The following RYR3 variants were observed in gnomAD, a reference collection of about 807,000 sequenced individuals.
RYR3 encodes the protein ryanodine receptor 3.
A neutral mutation model predicts 584.3 loss-of-function variants in RYR3; 207 were observed. The observed-to-expected ratio is 0.35, with a 90% confidence interval of 0.32 to 0.40. RYR3 has a LOEUF of 0.40. Among genes scored for constraint, RYR3 ranks in the 10% least tolerant of loss-of-function variants. The probability of loss-of-function intolerance (pLI) is 1.00; values close to 1 mark genes in which losing one functional copy is unlikely to be tolerated. For missense variants in RYR3, 5,616 were observed against 6,089.2 expected (o/e 0.92, Z 2.59); for synonymous variants, 2,416 against 2,248.5 (o/e 1.07, Z -2.11).
intron 18 of RYR3, among the ~76,000 whole-genome samples, chr15:33,604,649 G>A (rs2059823587): frequency 6.6e-6 from 1 of 152,230 alleles, no homozygotes; most frequent in South Asian, 2.1e-4. Context: ...ATGGGGTCAT[G>A]TGAAGGGAAA....
intron 64 of RYR3, among the ~76,000 whole-genome samples, chr15:33,779,404 C>T (rs2074241091): frequency 6.6e-6 from 1 of 152,018 alleles, no homozygotes; most frequent in Non-Finnish European, 1.5e-5. Context: ...AAGGAGTAAC[C>T]GTTATCTGAG....
rs935509055 is a variant in RYR3 at position 33,473,631 on chromosome 15, G to A, written c.171+93G>A. On this transcript the variant is annotated intron_variant, in intron 2 of 103. Coordinates refer to ENST00000634891, the MANE Select transcript of RYR3 (RefSeq NM_001036.6). ...ACTGCTGGGAGATGGTGATGAGGAC[G>A]ACATTTGAAAGGACACATTTATTTT... 21 of 1,279,024 alleles carry A rather than the reference G, an allele frequency of 1.6e-5. No individual in the cohort carries two copies. In the African/African-American group the frequency reaches 1.9e-4, roughly 12 times the overall value. The allele number at this position is 1,279,024 out of a possible 1,614,324, so 79.2% of individuals were successfully genotyped here. A position where few individuals can be genotyped will look rare whatever the true frequency, so the allele number is the denominator to read the frequency against.
rs1452176075 is a variant in RYR3, at chr15:33,562,125, C to T, written c.973-712C>T. On this transcript the variant is annotated intron_variant, in intron 10 of 103. Coordinates refer to ENST00000634891, the MANE Select transcript of RYR3 (RefSeq NM_001036.6). ...AAGTTACCATGCATCAGAGGTCTAC[C>T]TCATGACACGCTATTGTGACAGGTA... Among the ~76,000 whole-genome samples, 5 of 152,140 alleles carry T rather than the reference C, an allele frequency of 3.3e-5. No homozygotes were observed. In the East Asian group the frequency reaches 9.6e-4, roughly 29 times the overall value.
intron 67 of RYR3, among the ~76,000 whole-genome samples, chr15:33,798,245 T>C (rs1206619810): frequency 6.6e-6 from 1 of 152,124 alleles, no homozygotes; most frequent in South Asian, 2.1e-4. Context: ...CCCACCACCA[T>C]GCAAAGCTAA....
chr15:33,661,219 T>A (rs190068557), intron 34 of RYR3, among the ~76,000 whole-genome samples: 2,470 of 152,100 alleles, frequency 0.016, 35 homozygotes, highest in Non-Finnish European at 0.025. Flanking sequence ...TGAGACTAAA[T>A]GAAAAATCTA....
intron 3 of RYR3, among the ~76,000 whole-genome samples, chr15:33,520,307 C>T (rs575320723): frequency 2.5e-4 from 38 of 152,266 alleles, no homozygotes; most frequent in African/African-American, 8.9e-4. Context: ...CAAATTTTCA[C>T]GTCAAGGTAA....
chr15:33,715,211 T>C (rs541459738), intron 43 of RYR3, among the ~76,000 whole-genome samples: 28 of 152,342 alleles, frequency 1.8e-4, no homozygotes, highest in African/African-American at 5.3e-4. Flanking sequence ...ATCTGGTTTA[T>C]TTCTGCCCTT....
intron 5 of RYR3, among the ~76,000 whole-genome samples, chr15:33,537,668 T>C (rs191485024): frequency 1.3e-5 from 2 of 152,338 alleles, no homozygotes; most frequent in Admixed American, 1.3e-4. Context: ...GAGCGTCTCT[T>C]GTGCCTTGGT....
At chr15:33,463,000 G>A (rs1030096231) in intron 1 of RYR3, among the ~76,000 whole-genome samples, 1 of 151,700 alleles carries the variant, frequency 6.6e-6, no homozygotes, top group Non-Finnish European at 1.5e-5. Context: ...GCAAAACCCC[G>A]TCTCTACAAA....
intron 38 of RYR3, among the ~76,000 whole-genome samples, chr15:33,678,571 C>T (rs573180855): frequency 5.9e-5 from 9 of 152,296 alleles, no homozygotes; most frequent in Non-Finnish European, 1.0e-4. Flanking sequence ...TGGACTAATA[C>T]ATTATGATAA....
chr15:33,621,075 G>A (rs771084753), intron 19 of RYR3, among the ~76,000 whole-genome samples: 18 of 152,284 alleles, frequency 1.2e-4, no homozygotes, highest in African/African-American at 3.6e-4. Context: ...TAAAAACTAA[G>A]CGTTGTTCTC....
chr15:33,797,742 T>A (rs1476182086), intron 67 of RYR3, among the ~76,000 whole-genome samples: 1 of 152,192 alleles, frequency 6.6e-6, no homozygotes, highest in South Asian at 2.1e-4. Flanking sequence ...GTGGCTGTTT[T>A]GTTCCTTGGC....
intron 57 of RYR3, among the ~76,000 whole-genome samples, chr15:33,752,424 TCTC>T (rs1261705848): frequency 6.6e-6 from 1 of 152,162 alleles, no homozygotes; most frequent in Non-Finnish European, 1.5e-5. Context: ...GATTTGTAGT[TCTC>T]CTTGAAGACA....
chr15:33,833,828 C>T (rs1427055556), intron 86 of RYR3, among the ~76,000 whole-genome samples: 1 of 152,146 alleles, frequency 6.6e-6, no homozygotes. Flanking sequence ...ACCTTTTAAA[C>T]CTTGGGAATC....
At chr15:33,473,921 C>CA (rs776246434) in intron 2 of RYR3, among the ~76,000 whole-genome samples, 2 of 152,182 alleles carry the variant, frequency 1.3e-5, no homozygotes, top group African/African-American at 2.4e-5. Flanking sequence ...CAGAGACTCA[C>CA]AGATGCCTGA....
chr15:33,742,303 A>G (rs1199840899), intron 51 of RYR3, 63 bp from the exon 52 acceptor site: 23 of 1,029,324 alleles, frequency 2.2e-5, no homozygotes, highest in Middle Eastern at 2.2e-4. Flanking sequence ...AGTTCTGACT[A>G]TCTTCTACTA....
chr15:33,540,751 T>G lies in RYR3; in HGVS notation c.547-40T>G, dbSNP rs781066594. On this transcript the variant is annotated intron_variant, in intron 6 of 103. Coordinates refer to ENST00000634891, the MANE Select transcript of RYR3 (RefSeq NM_001036.6). ...TGAGCTGTTTCTGTCGGCACTGGAC[T>G]GGTGATTTAAAAGATGTCTCATTTC... 6 of 1,270,152 alleles carry G rather than the reference T, an allele frequency of 4.7e-6. No homozygotes were observed. In the East Asian group the frequency reaches 1.4e-4, roughly 29 times the overall value. The allele number at this position is 1,270,152 out of a possible 1,614,324, so 78.7% of individuals were successfully genotyped here.
chr15:33,321,617 C>T (rs1011154996), intron 1 of RYR3, among the ~76,000 whole-genome samples: 2 of 152,092 alleles, frequency 1.3e-5, no homozygotes, highest in Non-Finnish European at 2.9e-5. Context: ...GTTTGGATCA[C>T]CCTAATTGGT....
At position 33,843,588 on chromosome 15, in the gene RYR3, C is replaced by T. The variant is rs1373729850; in HGVS notation, c.13296+14C>T. On this transcript the variant is annotated intron_variant, in intron 92 of 103. Coordinates refer to ENST00000634891, the MANE Select transcript of RYR3 (RefSeq NM_001036.6). ...CTTTTTTATAAGGTGATACTTCATTCAGGGGTTATTTGCTAAATATGCTGT... is the reference window on the plus strand; with the variant it reads ...CTTTTTTATAAGGTGATACTTCATTTAGGGGTTATTTGCTAAATATGCTGT... 2.6e-6 allele frequency: 4 copies of T among 1,530,056 alleles called. No homozygotes were observed. The highest frequency in any genetic ancestry group is 1.8e-6 in the Non-Finnish European group (2 of 1,120,150). 94.8% of individuals were successfully genotyped at this position (1,530,056 alleles called of 1,614,324 possible). A position where few individuals can be genotyped will look rare whatever the true frequency, so the allele number is the denominator to read the frequency against.
Sources: allele counts gnomAD v4.1 joint callset (sites outside exome capture counted in the v4.1 genomes callset), GRCh38; gene constraint gnomAD v4.1.1; transcripts MANE v1.5; gene names NCBI Gene and HGNC (gene_info 2026-07-23, HGNC 2026-07-21).